The following TUSC3 variants were observed in gnomAD, a reference collection of about 807,000 sequenced individuals.
TUSC3 encodes the protein dolichyl-diphosphooligosaccharide--protein glycosyltransferase subunit TUSC3.
A neutral mutation model predicts 44.8 loss-of-function variants in TUSC3; 45 were observed. That is an observed-to-expected ratio of 1.00 (90% CI 0.79 to 1.29). The LOEUF is 1.29. TUSC3 is among the 50% of genes most tolerant of loss of function. TUSC3 has a pLI of 0.00. For synonymous variants in TUSC3, 212 were observed against 152.9 expected (o/e 1.39, Z -2.85); for missense variants, 519 against 437.9 (o/e 1.19, Z -1.65).
intron 9 of TUSC3, among the ~76,000 whole-genome samples, chr8:15,752,930 A>C (rs1811767339): frequency 6.6e-6 from 1 of 152,020 alleles, no homozygotes; most frequent in Non-Finnish European, 1.5e-5. Flanking sequence ...ATTTTACTCA[A>C]GGAAAAACTT....
chr8:15,542,943 C>T (rs1052678315), intron 1 of TUSC3, among the ~76,000 whole-genome samples: 8 of 152,140 alleles, frequency 5.3e-5, no homozygotes, highest in African/African-American at 1.9e-4. Flanking sequence ...TTGTTAAATA[C>T]TTGGTGTTCT....
At chr8:15,819,089 G>T in the TUSC3 span, among the ~76,000 whole-genome samples, 1 of 152,046 alleles carries the variant, frequency 6.6e-6, no homozygotes, top group Non-Finnish European at 1.5e-5. Flanking sequence ...TTTATCTGGA[G>T]AAAATTCACA....
intron 2 of TUSC3, among the ~76,000 whole-genome samples, chr8:15,501,516 T>C (rs1800964501): frequency 6.6e-6 from 1 of 152,182 alleles, no homozygotes; most frequent in South Asian, 2.1e-4. Context: ...GCATAGTAAA[T>C]GTTTATTGAA....
At chr8:15,637,441 C>T (rs1165580721) in intron 2 of TUSC3, among the ~76,000 whole-genome samples, 1 of 151,902 alleles carries the variant, frequency 6.6e-6, no homozygotes, top group Non-Finnish European at 1.5e-5. Flanking sequence ...TTTTTTATTT[C>T]TATTTCTAGT....
At chr8:15,512,101 G>A (rs982767484) in intron 2 of TUSC3, among the ~76,000 whole-genome samples, 7 of 152,118 alleles carry the variant, frequency 4.6e-5, no homozygotes, top group South Asian at 4.1e-4. Context: ...CTTGTACTAC[G>A]TAATTTCAAA....
intron 2 of TUSC3, 141 bp downstream of exon 2, chr8:15,623,390 A>G (rs1805339475): frequency 2.2e-6 from 2 of 904,994 alleles, no homozygotes; most frequent in Non-Finnish European, 3.0e-6. Flanking sequence ...AAATAAGCTG[A>G]AAAATCAGTG....
intron 1 of TUSC3, among the ~76,000 whole-genome samples, chr8:15,620,114 G>A (rs1380380661): frequency 2.0e-5 from 3 of 152,274 alleles, no homozygotes; most frequent in Middle Eastern, 3.4e-3. Context: ...CGATTAACTT[G>A]GAAGTGTGTG....
chr8:15,601,532 T>C (rs1202120521), intron 1 of TUSC3, among the ~76,000 whole-genome samples: 1 of 151,736 alleles, frequency 6.6e-6, no homozygotes, highest in East Asian at 1.9e-4. Context: ...TTTTAGAAGT[T>C]AATAAGCTGG....
intron 1 of TUSC3, among the ~76,000 whole-genome samples, chr8:15,594,184 A>G (rs1029529322): frequency 6.6e-6 from 1 of 152,094 alleles, no homozygotes; most frequent in African/African-American, 2.4e-5. Context: ...TTTTTTTGGA[A>G]TGGCTTCAGT....
chr8:15,522,658 C>G (rs973223636), intron 2 of TUSC3, among the ~76,000 whole-genome samples: 3 of 151,812 alleles, frequency 2.0e-5, no homozygotes, highest in Non-Finnish European at 4.4e-5. Context: ...GGGGCTGTTT[C>G]CCTACTCCAT....
intron 1 of TUSC3, among the ~76,000 whole-genome samples, chr8:15,478,614 T>C (rs1304126652): frequency 2.6e-5 from 4 of 152,210 alleles, no homozygotes; most frequent in African/African-American, 9.7e-5. Context: ...ATCTCATTCC[T>C]TTTTATGGCT....
chr8:15,514,385 G>C lies in TUSC3; in HGVS notation n.189+30902G>C, dbSNP rs73536429. Among the ~76,000 whole-genome samples, 1,270 of 152,206 alleles carry C rather than the reference G, an allele frequency of 8.3e-3. 21 individuals are homozygous for C. The highest frequency in any genetic ancestry group is 0.031 in the Middle Eastern group (9 of 294). On this transcript the variant is annotated intron_variant and non_coding_transcript_variant, in intron 2 of 5. Transcript: ENST00000503191. Reference sequence around the variant, plus strand: ...ATGAAGTTGAGCAAGAAAATTAATAGGGATACAGAAACTTGCTCATGATTA... The same window carrying C: ...ATGAAGTTGAGCAAGAAAATTAATACGGATACAGAAACTTGCTCATGATTA...
At chr8:15,440,724 A>G (rs1182297153) in intron 1 of TUSC3, among the ~76,000 whole-genome samples, 1 of 152,222 alleles carries the variant, frequency 6.6e-6, no homozygotes, top group Non-Finnish European at 1.5e-5. Context: ...GAACTTCTCT[A>G]GAATAGACAC....
chr8:15,522,868 G>A (rs4831736), intron 2 of TUSC3, among the ~76,000 whole-genome samples: 1 of 152,082 alleles, frequency 6.6e-6, no homozygotes, highest in Admixed American at 6.5e-5. Context: ...ACACAAATGT[G>A]CTATGTCAGT....
chr8:15,814,460 C>T, the TUSC3 span, among the ~76,000 whole-genome samples: 269 of 152,268 alleles, frequency 1.8e-3, no homozygotes, highest in African/African-American at 5.9e-3. Flanking sequence ...TGATTTTAAG[C>T]TACTCCAACG....
chr8:15,673,685 A>G, intron 5 of TUSC3, 62 bp from the exon 6 acceptor site: 1 of 1,306,006 alleles, frequency 7.7e-7, no homozygotes, highest in Non-Finnish European at 1.1e-6. Flanking sequence ...ATTGTCTTTT[A>G]GAAATGCATT....
At chr8:15,826,731 A>C in the TUSC3 span, among the ~76,000 whole-genome samples, 384 of 151,858 alleles carry the variant, frequency 2.5e-3, 1 homozygote, top group African/African-American at 8.6e-3. Flanking sequence ...CAAAGGCAGG[A>C]AGAGGAATGG....
intron 10 of TUSC3, among the ~76,000 whole-genome samples, chr8:15,761,570 C>G (rs753529918): frequency 3.9e-5 from 6 of 152,148 alleles, no homozygotes; most frequent in Admixed American, 3.9e-4. Context: ...TCAGAATACG[C>G]GAATAAGCCA....
chr8:15,589,412 C>A (rs1346104550), intron 1 of TUSC3, among the ~76,000 whole-genome samples: 1 of 151,840 alleles, frequency 6.6e-6, no homozygotes, highest in African/African-American at 2.4e-5. Context: ...TTAAGATTAG[C>A]ATGTGGAGCA....
Sources: allele counts gnomAD v4.1 joint callset (sites outside exome capture counted in the v4.1 genomes callset), GRCh38; gene constraint gnomAD v4.1.1; transcripts MANE v1.5; gene names NCBI Gene and HGNC (gene_info 2026-07-23, HGNC 2026-07-21).